The following GLIS1 variants were observed in gnomAD, a reference collection of about 807,000 sequenced individuals.
GLIS1 encodes the protein zinc finger protein GLIS1.
In GLIS1, 24 loss-of-function variants were observed where a neutral mutation model predicts 63.8. That is an observed-to-expected ratio of 0.38 (90% confidence interval 0.27 to 0.53). The LOEUF is 0.53. Ranked by LOEUF, GLIS1 falls within the 20% of genes least tolerant of loss-of-function variation. GLIS1 has a pLI of 0.85. For missense variants in GLIS1, 1,036 were observed against 1,074.1 expected (o/e 0.96, Z 0.50); for synonymous variants, 450 against 482.5 (o/e 0.93, Z 0.88).
intron 2 of GLIS1, among the ~76,000 whole-genome samples, chr1:53,725,003 C>T (rs1256628743): frequency 1.3e-5 from 2 of 152,170 alleles, no homozygotes; most frequent in Non-Finnish European, 2.9e-5. Context: ...CTCTACCCCA[C>T]CCCAGCAAAT....
intron 2 of GLIS1, among the ~76,000 whole-genome samples, chr1:53,725,558 C>T (rs7536788): frequency 6.6e-5 from 10 of 152,168 alleles, no homozygotes; most frequent in Admixed American, 2.0e-4. Flanking sequence ...CCTGGAAACC[C>T]GGCCAGCCTG....
At chr1:53,571,974 A>G (rs1557457061) in intron 4 of GLIS1, among the ~76,000 whole-genome samples, 2 of 152,202 alleles carry the variant, frequency 1.3e-5, no homozygotes, top group African/African-American at 2.4e-5. Context: ...AAAACCAAAC[A>G]ATATATTGTT....
chr1:53,518,402 A>G (rs551098272), intron 7 of GLIS1, among the ~76,000 whole-genome samples: 24 of 152,220 alleles, frequency 1.6e-4, no homozygotes, highest in Non-Finnish European at 3.2e-4. Flanking sequence ...GTCCACGCAC[A>G]GTCCCTGGAG....
intron 4 of GLIS1, among the ~76,000 whole-genome samples, chr1:53,577,888 C>A (rs947040536): frequency 6.6e-6 from 1 of 152,102 alleles, no homozygotes; most frequent in Non-Finnish European, 1.5e-5. Context: ...CCACTCCAAG[C>A]GAGGCTTCGT....
At position 53,594,190 on chromosome 1, in the gene GLIS1, C is replaced by A; in HGVS notation, c.1238G>T (p.Arg413Leu). Residue 413 changes from arginine (R) to leucine (L), a missense_variant, in exon 4 of 11, where the codon CGC (arginine) becomes CTC (leucine). This residue lies in a region of GLIS1 where 592 missense variants were observed against 593.9 expected (regional missense o/e 1.00). Coordinates refer to ENST00000628545, the MANE Select transcript of GLIS1 (RefSeq NM_001367484.1). ...DFTCFWAGCV[R>L]RYKPFNARYK... The stretch of plus-strand genomic sequence containing the variant: ...GCGGGCGTTGAAGGGCTTGTAGCGG[C>A]GCACGCAGCCAGCCCAGAAGCAGGT... 6.2e-7 allele frequency: 1 copy of A among 1,613,974 alleles called. No individual in the cohort carries two copies. The highest frequency in any genetic ancestry group is 8.5e-7 in the Non-Finnish European group (1 of 1,179,966).
chr1:53,645,185 A>G (rs1399694742), intron 2 of GLIS1, among the ~76,000 whole-genome samples: 1 of 152,100 alleles, frequency 6.6e-6, no homozygotes, highest in Non-Finnish European at 1.5e-5. Context: ...CCCCCCAGAC[A>G]TCTGCATGGG....
Position 53,640,950 on chromosome 1 carries a change from T to A in GLIS1, c.260-40672A>T, listed in dbSNP as rs1172269471. On this transcript the variant is annotated intron_variant, in intron 2 of 10. Transcript: ENST00000628545. ...GGGAAAGGAAGAGCTGAAGGCACAC[T>A]CTTAGGCCTCTGGAGGGAACAGAAC... Among the ~76,000 whole-genome samples, 3 of 151,980 alleles carry A rather than the reference T, an allele frequency of 2.0e-5. No individual in the cohort carries two copies. The East Asian group carries it at 5.8e-4, about 29-fold the overall frequency.
intron 8 of GLIS1, among the ~76,000 whole-genome samples, chr1:53,510,320 G>A (rs1462667937): frequency 6.6e-6 from 1 of 152,184 alleles, no homozygotes; most frequent in African/African-American, 2.4e-5. Flanking sequence ...TGCTCCGTTG[G>A]CCAACTATTT....
At chr1:53,732,693 C>G (rs1172322807) in intron 2 of GLIS1, among the ~76,000 whole-genome samples, 1 of 151,986 alleles carries the variant, frequency 6.6e-6, no homozygotes, top group Non-Finnish European at 1.5e-5. Context: ...TTTCTTCTCC[C>G]CCTTGAACTG....
chr1:53,592,295 G>T (rs1465698332), intron 4 of GLIS1, among the ~76,000 whole-genome samples: 2 of 152,146 alleles, frequency 1.3e-5, no homozygotes, highest in Non-Finnish European at 2.9e-5. Flanking sequence ...TACTCTTCTG[G>T]ATGCCGTGAT....
intron 2 of GLIS1, among the ~76,000 whole-genome samples, chr1:53,733,343 A>G (rs1228064523): frequency 2.0e-5 from 3 of 152,248 alleles, no homozygotes; most frequent in African/African-American, 7.2e-5. Flanking sequence ...ATCATAGCAT[A>G]TAAAGAAATT....
intron 2 of GLIS1, among the ~76,000 whole-genome samples, chr1:53,665,732 A>G (rs1485459658): frequency 6.6e-6 from 1 of 152,222 alleles, no homozygotes; most frequent in Non-Finnish European, 1.5e-5. Context: ...GTGAGTGAGA[A>G]GCAGCTATCA....
intron 2 of GLIS1, among the ~76,000 whole-genome samples, chr1:53,681,565 G>A (rs1276228792): frequency 6.6e-6 from 1 of 152,260 alleles, no homozygotes; most frequent in Non-Finnish European, 1.5e-5. Flanking sequence ...CCAAGAAAGA[G>A]AGCATTCATA....
intron 6 of GLIS1, among the ~76,000 whole-genome samples, chr1:53,523,301 C>A (rs1644430297): frequency 6.6e-6 from 1 of 152,090 alleles, no homozygotes; most frequent in South Asian, 2.1e-4. Context: ...CCACTGCCTG[C>A]AGGCTGGAGA....
chr1:53,654,868 G>C (rs1352296806), intron 2 of GLIS1, among the ~76,000 whole-genome samples: 1 of 152,218 alleles, frequency 6.6e-6, no homozygotes, highest in Non-Finnish European at 1.5e-5. Flanking sequence ...CTCTTTCCAA[G>C]AGTTTTGCTC....
At chr1:53,662,763 G>A (rs557226410) in intron 2 of GLIS1, among the ~76,000 whole-genome samples, 4 of 152,102 alleles carry the variant, frequency 2.6e-5, no homozygotes, top group African/African-American at 9.6e-5. Flanking sequence ...TCAGAGCATC[G>A]TCCTCTGCCT....
rs2100589034 is a variant in GLIS1 at position 53,737,983 on chromosome 1, C to T, written c.82G>A (p.Ala28Thr). ...PGAPGPDRGP[A>T]SLGAHMAFRV... Reference sequence around the variant, plus strand: ...AAGGCCATGTGCGCGCCGAGGCTGGCGGGGCCGCGGTCGGGGCCGGGCGCA... The same window carrying T: ...AAGGCCATGTGCGCGCCGAGGCTGGTGGGGCCGCGGTCGGGGCCGGGCGCA... The change falls in exon 2 of 11, where the codon GCC becomes ACC. Residue 28 changes from alanine (A) to threonine (T), a missense_variant. Around this residue, in one of 3 missense-constraint regions of GLIS1, gnomAD observed 592 missense variants for 593.9 expected, o/e 1.00. Transcript: ENST00000628545. 3 of 1,230,348 alleles carry T rather than the reference C, an allele frequency of 2.4e-6. No individual in the cohort carries two copies. Among genetic ancestry groups the T allele is most frequent in the East Asian group, 3.2e-5 (1 of 31,622 alleles). The allele number at this position is 1,230,348 out of a possible 1,614,324, so 76.2% of individuals were successfully genotyped here. A position where few individuals can be genotyped will look rare whatever the true frequency, so the allele number is the denominator to read the frequency against.
At chr1:53,507,067 C>T (rs986124667) in intron 10 of GLIS1, among the ~76,000 whole-genome samples, 1 of 152,094 alleles carries the variant, frequency 6.6e-6, no homozygotes, top group African/African-American at 2.4e-5. Context: ...GGCTGTGGGG[C>T]AGAATGTGGG....
At chr1:53,562,466 C>T (rs1007083352) in intron 4 of GLIS1, among the ~76,000 whole-genome samples, 1 of 152,082 alleles carries the variant, frequency 6.6e-6, no homozygotes, top group Admixed American at 6.5e-5. Context: ...ACTCCCACAC[C>T]CACAGCTCAC....
Sources: allele counts gnomAD v4.1 joint callset (sites outside exome capture counted in the v4.1 genomes callset), GRCh38; gene constraint gnomAD v4.1.1; regional missense constraint gnomAD v4.1.1; transcripts MANE v1.5; gene names NCBI Gene and HGNC (gene_info 2026-07-23, HGNC 2026-07-21).